Variants in NYAP2 observed in about 807,000 individuals in gnomAD.
The protein encoded by NYAP2 is neuronal tyrosine-phosphorylated phosphoinositide-3-kinase adapter 2.
A neutral mutation model predicts 50.4 loss-of-function variants in NYAP2; 23 were observed. The ratio of observed to expected loss-of-function variants is 0.46; its 90% confidence interval spans 0.33 to 0.65. The LOEUF is 0.65. Among genes scored for constraint, NYAP2 ranks in the 30% least tolerant of loss-of-function variants. NYAP2 has a pLI of 0.02. For missense variants in NYAP2, 885 were observed against 861.0 expected (o/e 1.03, Z -0.35); for synonymous variants, 394 against 365.2 (o/e 1.08, Z -0.90).
chr2:225,586,816 G>T (rs1458142609), intron 5 of NYAP2, among the ~76,000 whole-genome samples: 5 of 152,060 alleles, frequency 3.3e-5, no homozygotes, highest in African/African-American at 9.7e-5. Context: ...CCTCAAACAA[G>T]AAATATTTTT....
chr2:225,554,762 G>A (rs563169852), intron 4 of NYAP2, among the ~76,000 whole-genome samples: 1 of 152,162 alleles, frequency 6.6e-6, no homozygotes, highest in East Asian at 1.9e-4. Flanking sequence ...TGATAATAGT[G>A]TATTATATTC....
intron 3 of NYAP2, among the ~76,000 whole-genome samples, chr2:225,438,393 C>A (rs145705980): frequency 1.3e-5 from 2 of 152,344 alleles, no homozygotes; most frequent in Admixed American, 6.5e-5. Context: ...ACACATCCTG[C>A]CATTCATCAC....
chr2:225,463,624 A>G (rs560426464), intron 3 of NYAP2, among the ~76,000 whole-genome samples: 1 of 152,386 alleles, frequency 6.6e-6, no homozygotes, highest in African/African-American at 2.4e-5. Flanking sequence ...TAATTGTGCC[A>G]TTTGGATAAA....
intron 4 of NYAP2, among the ~76,000 whole-genome samples, chr2:225,563,682 G>C (rs545823751): frequency 3.3e-4 from 50 of 152,170 alleles, no homozygotes; most frequent in Admixed American, 8.5e-4. Flanking sequence ...GAGAGAAGGA[G>C]AGAGAGACAT....
chr2:225,699,871 G>A, the NYAP2 span: 1 of 151,730 alleles, frequency 6.6e-6, no homozygotes, highest in East Asian at 1.9e-4. Context: ...TATAAATATT[G>A]CCACGAATGA....
intron 4 of NYAP2, among the ~76,000 whole-genome samples, chr2:225,558,937 A>T (rs752165390): frequency 2.6e-5 from 4 of 152,098 alleles, no homozygotes; most frequent in Admixed American, 6.6e-5. Flanking sequence ...GTACACTGTG[A>T]CACGTTACCA....
intron 5 of NYAP2, among the ~76,000 whole-genome samples, chr2:225,587,922 A>G (rs1692416018): frequency 6.6e-6 from 1 of 152,138 alleles, no homozygotes; most frequent in African/African-American, 2.4e-5. Flanking sequence ...GCCTTTAAAA[A>G]GTAGTAAATA....
At chr2:225,622,229 A>T (rs2054078) in intron 5 of NYAP2, among the ~76,000 whole-genome samples, 6 of 152,136 alleles carry the variant, frequency 3.9e-5, no homozygotes, top group Non-Finnish European at 8.8e-5. Context: ...ACAGTGTCTC[A>T]CTATGTTGCC....
downstream of NYAP2, among the ~76,000 whole-genome samples, chr2:225,657,254 C>T (rs567936431): frequency 8.6e-5 from 13 of 151,978 alleles, no homozygotes; most frequent in East Asian, 3.9e-4. Flanking sequence ...AGATTACAGG[C>T]GTCTGCCACC....
At chr2:225,527,703 A>G (rs1314155162) in intron 4 of NYAP2, among the ~76,000 whole-genome samples, 1 of 152,118 alleles carries the variant, frequency 6.6e-6, no homozygotes, top group Non-Finnish European at 1.5e-5. Context: ...GCTGGGGCAC[A>G]GTGGCATGAT....
At chr2:225,589,528 T>TATATATATAC (rs1432136591) in intron 5 of NYAP2, among the ~76,000 whole-genome samples, 1 of 135,248 alleles carries the variant, frequency 7.4e-6, no homozygotes, top group African/African-American at 2.8e-5. Context: ...TATATATATA[T>TATATATATAC]ATATATATAT....
chr2:225,500,886 A>G (rs2106177566), intron 3 of NYAP2, among the ~76,000 whole-genome samples: 1 of 152,264 alleles, frequency 6.6e-6, no homozygotes, highest in South Asian at 2.1e-4. Context: ...CCTTTCTTCC[A>G]ATATTATGGA....
At chr2:225,620,878 G>A (rs1315351166) in intron 5 of NYAP2, among the ~76,000 whole-genome samples, 3 of 152,204 alleles carry the variant, frequency 2.0e-5, no homozygotes, top group Admixed American at 1.3e-4. Flanking sequence ...CACTTTGGGA[G>A]GCCAAGGTGG....
At chr2:225,674,721 T>A in the NYAP2 span, among the ~76,000 whole-genome samples, 8 of 152,124 alleles carry the variant, frequency 5.3e-5, no homozygotes, top group African/African-American at 1.9e-4. Context: ...TTTTATCACA[T>A]ATCTTGAACC....
In NYAP2 at chr2:225,425,050, A is replaced by G. The variant is rs144066276; in HGVS notation, c.221+15949A>G. Among the ~76,000 whole-genome samples, 368 of 152,324 alleles carry G rather than the reference A, an allele frequency of 2.4e-3. 1 individual carries two copies. The highest frequency in any genetic ancestry group is 8.2e-3 in the African/African-American group (341 of 41,574). On this transcript the variant is annotated intron_variant, in intron 3 of 6. Transcript: ENST00000636099. The stretch of plus-strand genomic sequence containing the variant: ...AGCCAACCTTTTGGCAACCTCAACT[A>G]TAGAAACTTATTTTTTTTAAAAAAA...
chr2:225,472,271 C>T (rs1288048388), intron 3 of NYAP2, among the ~76,000 whole-genome samples: 1 of 152,156 alleles, frequency 6.6e-6, no homozygotes, highest in Non-Finnish European at 1.5e-5. Flanking sequence ...CATTTTGTTG[C>T]TTTTTACTTT....
the NYAP2 span, among the ~76,000 whole-genome samples, chr2:225,680,780 A>G: frequency 6.6e-6 from 1 of 152,280 alleles, no homozygotes; most frequent in Non-Finnish European, 1.5e-5. Flanking sequence ...ATGCATTCAG[A>G]AAAAAACAAA....
At chr2:225,658,079 T>G (rs181177481), downstream of NYAP2, among the ~76,000 whole-genome samples, 10 of 152,344 alleles carry the variant, frequency 6.6e-5, no homozygotes, top group Admixed American at 4.6e-4. Flanking sequence ...CAGCTGATTT[T>G]ATTGTATGCT....
chr2:225,637,837 C>T (rs1349253965), intron 6 of NYAP2, among the ~76,000 whole-genome samples: 1 of 152,064 alleles, frequency 6.6e-6, no homozygotes, highest in African/African-American at 2.4e-5. Flanking sequence ...TTTAAATGGT[C>T]AAAGCATGTC....
Sources: allele counts gnomAD v4.1 joint callset (sites outside exome capture counted in the v4.1 genomes callset), GRCh38; gene constraint gnomAD v4.1.1; transcripts MANE v1.5; gene names NCBI Gene and HGNC (gene_info 2026-07-23, HGNC 2026-07-21).